The following HIBCH variants were observed in gnomAD, a reference collection of about 807,000 sequenced individuals.
HIBCH encodes 3-hydroxyisobutyryl-CoA hydrolase, mitochondrial.
A neutral mutation model predicts 58.2 loss-of-function variants in HIBCH; 50 were observed. The observed-to-expected ratio is 0.86, with a 90% CI of 0.68 to 1.09. The LOEUF (loss-of-function observed/expected upper bound fraction) is 1.09, where lower values mean the gene tolerates loss of function less well. HIBCH is among the 50% of genes least tolerant of loss of function. HIBCH has a pLI of 0.00. For missense variants in HIBCH, 450 were observed against 449.7 expected, an observed-to-expected ratio of 1.00 and a Z score of -0.01; for synonymous variants, 151 against 146.9, an observed-to-expected ratio of 1.03 and a Z score of -0.20.
chr2:190,215,694 T>A lies in HIBCH; in HGVS notation c.892-2619A>T, dbSNP rs1459505605. 3 of 151,760 alleles carry A rather than the reference T, an allele frequency of 2.0e-5. No homozygotes were observed. Among genetic ancestry groups the A allele is most frequent in the African/African-American group, 7.3e-5 (3 of 41,254 alleles). The allele number at this position is 151,760 out of a possible 1,614,324, so 9.4% of individuals were successfully genotyped here. ...GTAAGAAGAAAGGGGGAAACATCGA[T>A]GAAAAGAAAGGAAATCAGAAAGATA... is the stretch of plus-strand genomic sequence containing the variant. On this transcript the variant is annotated intron_variant, in intron 11 of 13. Coordinates refer to ENST00000359678, the MANE Select transcript of HIBCH (RefSeq NM_014362.4). This position sits in a 1 kb window ranked among gnomAD's most constrained non-coding sequence, Gnocchi z 4.4.
chr2:190,224,479 G>A (rs1198331510), intron 11 of HIBCH, among the ~76,000 whole-genome samples: 1 of 152,290 alleles, frequency 6.6e-6, no homozygotes, highest in Non-Finnish European at 1.5e-5. Flanking sequence ...AGCAGGGGTT[G>A]CAATCCTAGT....
At chr2:190,208,018 C>T (rs1322592968) in intron 13 of HIBCH, among the ~76,000 whole-genome samples, 1 of 152,076 alleles carries the variant, frequency 6.6e-6, no homozygotes, top group Non-Finnish European at 1.5e-5. Flanking sequence ...ACATAAATAA[C>T]AGCTTTTTAT....
chr2:190,200,270 G>A (rs1442053248), downstream of HIBCH: 4 of 773,772 alleles, frequency 5.2e-6, no homozygotes, highest in African/African-American at 3.5e-5. Context: ...CTACGATAAT[G>A]TCACTATTAT....
intron 1 of HIBCH, among the ~76,000 whole-genome samples, chr2:190,317,977 C>T (rs1224481511): frequency 2.6e-5 from 4 of 151,972 alleles, no homozygotes; most frequent in African/African-American, 7.2e-5. Context: ...GGCCCTGCCA[C>T]CACACCCAGC....
chr2:190,233,886 G>A (rs1686184831), intron 11 of HIBCH, among the ~76,000 whole-genome samples: 1 of 152,208 alleles, frequency 6.6e-6, no homozygotes, highest in South Asian at 2.1e-4. Flanking sequence ...GGCTGGGTAT[G>A]GTGGGTCACG....
At position 190,275,029 on chromosome 2, in the gene HIBCH, T is replaced by A. The variant is rs1396543806; in HGVS notation, c.438+12557A>T. On this transcript the variant is annotated intron_variant, in intron 6 of 13. Transcript: ENST00000359678. Reference sequence around the variant, plus strand: ...AATCATTATGCCAAAGTGGCATATTTAGGGTGGCATATTGTGGTCTCCTAT... The same window carrying A: ...AATCATTATGCCAAAGTGGCATATTAAGGGTGGCATATTGTGGTCTCCTAT... 2.0e-5 allele frequency among the ~76,000 whole-genome samples: 3 copies of A among 152,188 alleles called. No homozygotes were observed. In the East Asian group the frequency reaches 5.8e-4, roughly 29 times the overall value.
At chr2:190,235,123 G>C (rs2105923967) in intron 11 of HIBCH, among the ~76,000 whole-genome samples, 1 of 152,342 alleles carries the variant, frequency 6.6e-6, no homozygotes, top group South Asian at 2.1e-4. Flanking sequence ...GAAGAAGAGG[G>C]CTCCCTGCTT....
intron 6 of HIBCH, among the ~76,000 whole-genome samples, chr2:190,262,804 G>A (rs775991622): frequency 6.6e-6 from 1 of 152,068 alleles, no homozygotes; most frequent in Non-Finnish European, 1.5e-5. Flanking sequence ...TTTTAGCATT[G>A]GCTGATAATA....
chr2:190,231,441 T>C (rs1322677317), intron 11 of HIBCH, among the ~76,000 whole-genome samples: 2 of 152,130 alleles, frequency 1.3e-5, no homozygotes, highest in Admixed American at 1.3e-4. Context: ...ATCATCTCAA[T>C]AGACGCAGCA....
chr2:190,313,529 C>CT (rs775061525), intron 1 of HIBCH, among the ~76,000 whole-genome samples: 15 of 151,264 alleles, frequency 9.9e-5, no homozygotes, highest in Non-Finnish European at 1.6e-4. Context: ...TCCGTGCTGA[C>CT]TTTTCTTCAC....
At chr2:190,293,025 C>G (rs1364960725) in intron 4 of HIBCH, among the ~76,000 whole-genome samples, 3 of 152,160 alleles carry the variant, frequency 2.0e-5, no homozygotes, top group South Asian at 4.1e-4. Flanking sequence ...AATAATTCTA[C>G]AACTTGTAGC....
intron 7 of HIBCH, 118 bp from the exon 8 acceptor site, chr2:190,252,425 A>C: frequency 1.2e-6 from 1 of 818,048 alleles, no homozygotes; most frequent in Middle Eastern, 2.4e-4. Context: ...TACATTACAA[A>C]CATTATTAAA....
At chr2:190,201,362 C>CTTGT (rs1285334248), downstream of HIBCH, 1 of 166,864 alleles carries the variant, frequency 6.0e-6, no homozygotes, top group Non-Finnish European at 1.5e-5. Context: ...TAAGACATGA[C>CTTGT]TTGTTAGAAA....
In HIBCH at chr2:190,299,910, C is replaced by T. The variant is rs377654444; in HGVS notation, c.79-2957G>A. On this transcript the variant is annotated intron_variant, in intron 2 of 13. Coordinates refer to ENST00000359678, the MANE Select transcript of HIBCH (RefSeq NM_014362.4). The stretch of plus-strand genomic sequence containing the variant: ...TTTAGCTCCCACTTATAAGTGAGAA[C>T]GTGCGGTATCTGGTTTTCTGTTCCT... Among the ~76,000 whole-genome samples the T allele has an allele frequency of 4.0e-5, 6 of 151,784 alleles. No homozygotes were observed. In the East Asian group the frequency reaches 7.7e-4, roughly 20 times the overall value.
intron 2 of HIBCH, among the ~76,000 whole-genome samples, chr2:190,305,454 T>G (rs1472482568): frequency 6.6e-6 from 1 of 152,144 alleles, no homozygotes; most frequent in Non-Finnish European, 1.5e-5. Flanking sequence ...TCACGTGACA[T>G]TATCCTGTGT....
At chr2:190,292,743 A>G (rs1687990953) in intron 4 of HIBCH, among the ~76,000 whole-genome samples, 1 of 152,218 alleles carries the variant, frequency 6.6e-6, no homozygotes, top group Non-Finnish European at 1.5e-5. Context: ...AGCTCTTATC[A>G]CTGCTTACCA....
At chr2:190,251,053 G>A (rs1686749617) in intron 8 of HIBCH, among the ~76,000 whole-genome samples, 1 of 152,042 alleles carries the variant, frequency 6.6e-6, no homozygotes. Context: ...ACAGATATGA[G>A]GATAAAAAGG....
intron 11 of HIBCH, among the ~76,000 whole-genome samples, chr2:190,241,395 C>T (rs970017415): frequency 7.2e-5 from 11 of 152,186 alleles, no homozygotes; most frequent in Admixed American, 4.6e-4. Context: ...ATCCAGCACA[C>T]CAATGGGTCT....
intron 1 of HIBCH, among the ~76,000 whole-genome samples, chr2:190,190,451 C>G (rs1437382473): frequency 6.6e-6 from 1 of 152,122 alleles, no homozygotes; most frequent in African/African-American, 2.4e-5. Flanking sequence ...ATTTGATTTG[C>G]CTACTGATGG....
Sources: allele counts gnomAD v4.1 joint callset (sites outside exome capture counted in the v4.1 genomes callset), GRCh38; gene constraint gnomAD v4.1.1; non-coding constraint Gnocchi (gnomAD v3.1); transcripts MANE v1.5; gene names NCBI Gene and HGNC (gene_info 2026-07-23, HGNC 2026-07-21).